The following FUT8 variants were observed in gnomAD, a reference collection of about 807,000 sequenced individuals.
FUT8 encodes the protein alpha-(1,6)-fucosyltransferase.
Under a neutral mutation model 71.3 loss-of-function variants are expected in FUT8, and 29 were observed. The observed-to-expected ratio is 0.41, with a 90% CI of 0.30 to 0.55. FUT8 has a LOEUF of 0.55. Ranked by LOEUF, FUT8 falls within the 20% of genes least tolerant of loss-of-function variation. The pLI is 0.34. For missense variants in FUT8, 544 were observed against 702.1 expected, an observed-to-expected ratio of 0.77 and a Z score of 2.55; for synonymous variants, 254 against 239.3, an observed-to-expected ratio of 1.06 and a Z score of -0.57.
intron 2 of FUT8, among the ~76,000 whole-genome samples, chr14:65,480,299 A>AT (rs5809276): frequency 0.12 from 11,668 of 96,862 alleles, 1,155 homozygotes; most frequent in East Asian, 0.42. Flanking sequence ...ATGAACTGTG[A>AT]TTTTTTTTTT....
chr14:65,551,808 A>G (rs750317627), intron 2 of FUT8, among the ~76,000 whole-genome samples: 11 of 152,220 alleles, frequency 7.2e-5, no homozygotes, highest in South Asian at 4.1e-4. Context: ...GGTCACAACA[A>G]TGACAACACA....
chr14:65,538,621 A>T (rs1302029116), intron 2 of FUT8, among the ~76,000 whole-genome samples: 2 of 152,204 alleles, frequency 1.3e-5, no homozygotes, highest in Admixed American at 6.5e-5. Flanking sequence ...TGATATCTTT[A>T]AAAATTGCTG....
chr14:65,517,248 A>G (rs1316550124), intron 2 of FUT8, among the ~76,000 whole-genome samples: 1 of 152,122 alleles, frequency 6.6e-6, no homozygotes, highest in East Asian at 1.9e-4. Flanking sequence ...GTTAGTTTAC[A>G]TATTTTTACT....
At chr14:65,428,039 T>C (rs2065415743) in intron 1 of FUT8, among the ~76,000 whole-genome samples, 1 of 152,264 alleles carries the variant, frequency 6.6e-6, no homozygotes, top group African/African-American at 2.4e-5. Context: ...GAGACTTGGA[T>C]ACTAGTAGTG....
intron 2 of FUT8, among the ~76,000 whole-genome samples, chr14:65,542,426 A>G (rs1288647067): frequency 6.6e-6 from 1 of 152,196 alleles, no homozygotes; most frequent in Non-Finnish European, 1.5e-5. Context: ...TCTTTAGCAT[A>G]TCAAACTGAG....
At position 65,617,177 on chromosome 14, in the gene FUT8, A is replaced by T. The variant is rs775277937; in HGVS notation, c.482+804A>T. On this transcript the variant is annotated intron_variant, in intron 5 of 10. Transcript: ENST00000673929. ...AACCTACTACTGTGAAGAGGAAAAG[A>T]ATTACCCCATACAAGTAAGAGATTT... 11 of 1,569,572 alleles carry T rather than the reference A, an allele frequency of 7.0e-6. No individual in the cohort carries two copies. In the African/African-American group the frequency reaches 9.7e-5, roughly 14 times the overall value.
chr14:65,431,058 C>T (rs1354411765), intron 1 of FUT8, among the ~76,000 whole-genome samples: 7 of 146,926 alleles, frequency 4.8e-5, no homozygotes, highest in East Asian at 2.0e-4. Context: ...TGCAGTGGCG[C>T]GATCTCGGCT....
At chr14:65,699,331 G>C (rs536763735) in intron 7 of FUT8, among the ~76,000 whole-genome samples, 3 of 152,110 alleles carry the variant, frequency 2.0e-5, no homozygotes, top group Non-Finnish European at 4.4e-5. Context: ...TCCAACTCTG[G>C]AGTCTGACTG....
At chr14:65,569,440 A>G (rs964536789) in intron 3 of FUT8, among the ~76,000 whole-genome samples, 2 of 151,486 alleles carry the variant, frequency 1.3e-5, no homozygotes, top group African/African-American at 4.8e-5. Context: ...ATTATTTTCT[A>G]TTGAACTGGC....
intron 10 of FUT8, among the ~76,000 whole-genome samples, chr14:65,736,309 G>C (rs184935503): frequency 1.6e-4 from 24 of 151,786 alleles, no homozygotes; most frequent in Middle Eastern, 3.4e-3. Flanking sequence ...CTGCCTGTTA[G>C]AGACACTCTA....
At chr14:65,370,400 G>T in the FUT8 span, among the ~76,000 whole-genome samples, 1 of 151,306 alleles carries the variant, frequency 6.6e-6, no homozygotes, top group Non-Finnish European at 1.5e-5. Flanking sequence ...AGTAGAGACG[G>T]GGTTTCACCG....
At position 65,661,299 on chromosome 14, in the gene FUT8, A is replaced by G. The variant is rs80329710; in HGVS notation, c.598-7944A>G. ...AATCGATAAGGGCAGTGGACAGTGG[A>G]TCAAGAGCCCTGAACAGGTCTCTTG... On this transcript the variant is annotated intron_variant, in intron 6 of 10. Coordinates refer to ENST00000673929, the MANE Select transcript of FUT8 (RefSeq NM_001371533.1). Among the ~76,000 whole-genome samples the G allele has an allele frequency of 7.3e-3, 1,098 of 150,690 alleles. 13 individuals carry two copies. Among genetic ancestry groups the G allele is most frequent in the African/African-American group, 0.026 (1,030 of 40,320 alleles).
intron 2 of FUT8, among the ~76,000 whole-genome samples, chr14:65,469,009 C>T (rs143073469): frequency 6.2e-4 from 95 of 152,056 alleles, no homozygotes; most frequent in Non-Finnish European, 1.3e-3. Context: ...TTGCCCAGGC[C>T]GGTCTTAGAA....
intron 2 of FUT8, among the ~76,000 whole-genome samples, chr14:65,556,342 C>T (rs1885585367): frequency 6.6e-6 from 1 of 152,144 alleles, no homozygotes; most frequent in Admixed American, 6.6e-5. Flanking sequence ...TAAGCTTGCT[C>T]ACGTTCACTG....
At chr14:65,741,847 TAGAG>T (rs1462931053) in intron 10 of FUT8, among the ~76,000 whole-genome samples, 2 of 152,012 alleles carry the variant, frequency 1.3e-5, no homozygotes, top group Non-Finnish European at 2.9e-5. Context: ...TATATAGAGA[TAGAG>T]AGATTTTAAT....
At chr14:65,461,685 AC>A (rs2065971131) in intron 2 of FUT8, among the ~76,000 whole-genome samples, 1 of 152,202 alleles carries the variant, frequency 6.6e-6, no homozygotes, top group Non-Finnish European at 1.5e-5. Context: ...TGTTACTGAT[AC>A]ACCAGGAGTT....
At chr14:65,394,191 T>C in the FUT8 span, among the ~76,000 whole-genome samples, 1 of 152,158 alleles carries the variant, frequency 6.6e-6, no homozygotes, top group Non-Finnish European at 1.5e-5. Flanking sequence ...ACTCCCAGCC[T>C]CAGGTGATCT....
chr14:65,544,526 A>G (rs1431795697), intron 2 of FUT8, among the ~76,000 whole-genome samples: 2 of 152,130 alleles, frequency 1.3e-5, no homozygotes, highest in Non-Finnish European at 2.9e-5. Context: ...ACCATTTTTC[A>G]GCAGTATTAA....
At chr14:65,543,041 C>T (rs550783402) in intron 2 of FUT8, among the ~76,000 whole-genome samples, 1 of 152,304 alleles carries the variant, frequency 6.6e-6, no homozygotes, top group Admixed American at 6.5e-5. Flanking sequence ...CTCGACCTCC[C>T]AAAGTGCTGG....
Sources: gnomAD v4.1 joint callset for allele counts (sites outside exome capture counted in the v4.1 genomes callset) on GRCh38, gnomAD v4.1.1 for gene constraint, MANE v1.5 for transcripts, NCBI Gene and HGNC (gene_info 2026-07-23, HGNC 2026-07-21) for gene names.